Variants in MIPOL1 observed in about 807,000 individuals in gnomAD.
MIPOL1 encodes the protein mirror-image polydactyly gene 1 protein.
In MIPOL1, 57 loss-of-function variants were observed where a neutral mutation model predicts 60.9. The ratio of observed to expected loss-of-function variants is 0.94; its 90% CI spans 0.76 to 1.17. MIPOL1 has a LOEUF of 1.17. MIPOL1 is among the 50% of genes most tolerant of loss of function. The pLI is 0.00. For synonymous variants in MIPOL1, 179 were observed against 168.8 expected, an observed-to-expected ratio of 1.06 and a Z score of -0.47; for missense variants, 551 against 511.6, an observed-to-expected ratio of 1.08 and a Z score of -0.74.
At chr14:37,519,257 G>C (rs2095394484) in intron 12 of MIPOL1, among the ~76,000 whole-genome samples, 1 of 152,054 alleles carries the variant, frequency 6.6e-6, no homozygotes, top group South Asian at 2.1e-4. Context: ...TAGGGATTTA[G>C]GATAGCAACT....
chr14:37,474,536 C>T (rs563708491), intron 11 of MIPOL1, among the ~76,000 whole-genome samples: 1 of 152,290 alleles, frequency 6.6e-6, no homozygotes, highest in South Asian at 2.1e-4. Flanking sequence ...TGCCTTTGCT[C>T]CTCATTCACC....
At chr14:37,330,380 T>C (rs375672985) in intron 9 of MIPOL1, among the ~76,000 whole-genome samples, 2 of 152,122 alleles carry the variant, frequency 1.3e-5, no homozygotes, top group Non-Finnish European at 2.9e-5. Flanking sequence ...AGGTTTTAGT[T>C]AAATATTCTA....
chr14:37,550,761 T>C lies in MIPOL1; in HGVS notation c.*3790T>C, dbSNP rs1380716785. The C allele has an allele frequency of 6.6e-6, 1 of 152,578 alleles. No homozygotes were observed. The highest frequency in any genetic ancestry group is 2.4e-5 in the African/African-American group (1 of 41,454). 9.5% of individuals were successfully genotyped at this position (152,578 alleles called of 1,614,324 possible). A position where few individuals can be genotyped will look rare whatever the true frequency, so the allele number is the denominator to read the frequency against. ...AAACTCAAATATTTTAAACATTTGT[T>C]AAGTTGGAGCTTGCACATTTAAACC... On this transcript the variant is annotated 3_prime_UTR_variant, in exon 13 of 13. Transcript: ENST00000684589.
chr14:37,344,539 A>G (rs1368518973), intron 9 of MIPOL1, among the ~76,000 whole-genome samples: 1 of 151,906 alleles, frequency 6.6e-6, no homozygotes, highest in Non-Finnish European at 1.5e-5. Context: ...GTGTTCTTTC[A>G]TCTGGAAGCA....
chr14:37,418,789 C>T (rs928441403), intron 10 of MIPOL1, among the ~76,000 whole-genome samples: 2 of 151,904 alleles, frequency 1.3e-5, no homozygotes, highest in African/African-American at 4.8e-5. Flanking sequence ...GAAAGAATGC[C>T]TAACTGATAG....
intron 11 of MIPOL1, among the ~76,000 whole-genome samples, chr14:37,490,522 T>G (rs1418322037): frequency 6.6e-6 from 1 of 152,080 alleles, no homozygotes; most frequent in Admixed American, 6.6e-5. Flanking sequence ...TGCAGCTAGC[T>G]CGGTGTCTGC....
At chr14:37,542,390 C>T (rs918946745) in intron 12 of MIPOL1, among the ~76,000 whole-genome samples, 1 of 152,182 alleles carries the variant, frequency 6.6e-6, no homozygotes, top group Non-Finnish European at 1.5e-5. Flanking sequence ...TCCATCCCCT[C>T]CTCTGGCTTC....
At chr14:37,358,899 G>A (rs1483032011) in intron 9 of MIPOL1, among the ~76,000 whole-genome samples, 4 of 152,016 alleles carry the variant, frequency 2.6e-5, no homozygotes, top group East Asian at 1.9e-4. Context: ...TAGTCATGAC[G>A]TCCTTGCCCA....
At chr14:37,499,458 G>C (rs1051819066) in intron 11 of MIPOL1, among the ~76,000 whole-genome samples, 1 of 152,090 alleles carries the variant, frequency 6.6e-6, no homozygotes, top group African/African-American at 2.4e-5. Flanking sequence ...TATGTAGAAG[G>C]CTGGTCAGTG....
intron 9 of MIPOL1, among the ~76,000 whole-genome samples, chr14:37,369,280 G>A (rs2092570904): frequency 6.6e-6 from 1 of 151,538 alleles, no homozygotes; most frequent in African/African-American, 2.4e-5. Context: ...CTATTTTTGT[G>A]ATTTATATAA....
chr14:37,331,982 A>G (rs1350110711), intron 9 of MIPOL1, among the ~76,000 whole-genome samples: 4 of 152,066 alleles, frequency 2.6e-5, no homozygotes, highest in Non-Finnish European at 5.9e-5. Context: ...TACTAAAAAT[A>G]CAAAAATTAG....
At chr14:37,432,142 C>G (rs535669741) in intron 11 of MIPOL1, among the ~76,000 whole-genome samples, 4 of 152,130 alleles carry the variant, frequency 2.6e-5, no homozygotes, top group Non-Finnish European at 5.9e-5. Context: ...TTTATTGAGG[C>G]TTCACATCAT....
At chr14:37,216,954 A>T (rs1012241987) in intron 1 of MIPOL1, among the ~76,000 whole-genome samples, 1 of 152,186 alleles carries the variant, frequency 6.6e-6, no homozygotes, top group African/African-American at 2.4e-5. Context: ...ATGAAATTTT[A>T]ATAAAAAATA....
intron 1 of MIPOL1, among the ~76,000 whole-genome samples, chr14:37,225,497 C>T (rs554802481): frequency 2.0e-5 from 3 of 152,184 alleles, no homozygotes; most frequent in African/African-American, 4.8e-5. Context: ...GAGGCTTGCA[C>T]CCTCTGAAGC....
At chr14:37,448,262 C>T (rs2094367003) in intron 11 of MIPOL1, among the ~76,000 whole-genome samples, 1 of 152,178 alleles carries the variant, frequency 6.6e-6, no homozygotes, top group Admixed American at 6.5e-5. Flanking sequence ...ATAGCACTAG[C>T]AGCCATAGCC....
At chr14:37,237,275 A>G (rs1241310834) in intron 1 of MIPOL1, among the ~76,000 whole-genome samples, 1 of 151,928 alleles carries the variant, frequency 6.6e-6, no homozygotes, top group Non-Finnish European at 1.5e-5. Flanking sequence ...CATGCACAAC[A>G]ATTTGTCTAT....
chr14:37,550,583 A>C lies in MIPOL1; in HGVS notation c.*3612A>C, dbSNP rs573112659. The stretch of plus-strand genomic sequence containing the variant: ...ATAAGTGAACTGTTAGGCTCCAGTG[A>C]TTTCAGTGTTTTGTTCATGTTTTAT... On this transcript the variant is annotated 3_prime_UTR_variant, in exon 13 of 13. Coordinates refer to ENST00000684589, the MANE Select transcript of MIPOL1 (RefSeq NM_001388067.1). 1 of 152,268 alleles carries C rather than the reference A, an allele frequency of 6.6e-6. No homozygotes were observed. The highest frequency in any genetic ancestry group is 2.4e-5 in the African/African-American group (1 of 41,448). 9.4% of individuals were successfully genotyped at this position (152,268 alleles called of 1,614,324 possible). A position where few individuals can be genotyped will look rare whatever the true frequency, so the allele number is the denominator to read the frequency against.
chr14:37,221,193 A>G (rs1206664046), intron 1 of MIPOL1, among the ~76,000 whole-genome samples: 1 of 152,180 alleles, frequency 6.6e-6, no homozygotes, highest in Non-Finnish European at 1.5e-5. Flanking sequence ...GTAACTGATC[A>G]TGAGCAGAAA....
chr14:37,371,308 C>G (rs1000878596), intron 10 of MIPOL1, among the ~76,000 whole-genome samples: 1 of 151,392 alleles, frequency 6.6e-6, no homozygotes, highest in East Asian at 1.9e-4. Flanking sequence ...TTAGTAGAGT[C>G]GAGGTTTCAC....
Sources: allele counts gnomAD v4.1 joint callset (sites outside exome capture counted in the v4.1 genomes callset), GRCh38; gene constraint gnomAD v4.1.1; transcripts MANE v1.5; gene names NCBI Gene and HGNC (gene_info 2026-07-23, HGNC 2026-07-21).